Variants in TBC1D5 observed in about 807,000 individuals in gnomAD.
TBC1D5 encodes the protein TBC1 domain family, member 5.
In TBC1D5, 75 loss-of-function variants were observed where a neutral mutation model predicts 100.3. The observed-to-expected ratio is 0.75, with a 90% CI of 0.62 to 0.91. TBC1D5 has a LOEUF of 0.91. Among genes scored for constraint, TBC1D5 ranks in the 40% least tolerant of loss-of-function variants. The pLI is 0.00. For synonymous variants in TBC1D5, 323 were observed against 325.6 expected, an observed-to-expected ratio of 0.99 and a Z score of 0.09; for missense variants, 910 against 942.4, an observed-to-expected ratio of 0.97 and a Z score of 0.45.
chr3:17,696,578 C>T (rs2072129451), intron 1 of TBC1D5, among the ~76,000 whole-genome samples: 1 of 152,142 alleles, frequency 6.6e-6, no homozygotes, highest in Non-Finnish European at 1.5e-5. Flanking sequence ...CTGAATAGAA[C>T]AATCACAGGC....
intron 3 of TBC1D5, among the ~76,000 whole-genome samples, chr3:17,477,601 A>G (rs1455128612): frequency 6.6e-6 from 1 of 152,016 alleles, no homozygotes; most frequent in Admixed American, 6.5e-5. Flanking sequence ...AAGTCATTGT[A>G]TGTCCGTTAT....
intron 1 of TBC1D5, chr3:17,705,945 G>C: frequency 8.0e-7 from 1 of 1,244,372 alleles, no homozygotes; most frequent in African/African-American, 1.5e-5. Flanking sequence ...TCCTCCAGCC[G>C]CTGCCTCCCG....
At chr3:17,360,729 G>A (rs1163749892) in intron 13 of TBC1D5, among the ~76,000 whole-genome samples, 1 of 151,904 alleles carries the variant, frequency 6.6e-6, no homozygotes, top group East Asian at 1.9e-4. Flanking sequence ...CTTAGTTGCA[G>A]AGTTAAAATT....
intron 4 of TBC1D5, among the ~76,000 whole-genome samples, chr3:17,416,696 G>A (rs1001222461): frequency 8.6e-5 from 13 of 151,882 alleles, no homozygotes; most frequent in African/African-American, 1.2e-4. Context: ...TTTCTTTCCC[G>A]TGTCTATCTC....
At chr3:17,422,145 G>C (rs1490712129) in intron 4 of TBC1D5, among the ~76,000 whole-genome samples, 2 of 151,908 alleles carry the variant, frequency 1.3e-5, no homozygotes, top group African/African-American at 2.4e-5. Context: ...CCAATATTCT[G>C]TTTTTGTTTT....
chr3:17,564,965 G>T (rs549511831), intron 2 of TBC1D5, among the ~76,000 whole-genome samples: 1 of 151,784 alleles, frequency 6.6e-6, no homozygotes, highest in African/African-American at 2.4e-5. Context: ...AGAAAAAAAT[G>T]AAAGTTGAGA....
rs931810917 is a variant in TBC1D5 at position 17,343,504 on chromosome 3, C to T, written c.995+28571G>A. ...CATAAAATAAGTTAGGGAGGATTCC[C>T]TCATTTTCTATTGATTGGAATAGTT... On this transcript the variant is annotated intron_variant, in intron 13 of 21. Coordinates refer to ENST00000253692, the Ensembl canonical transcript of TBC1D5. Among the ~76,000 whole-genome samples, 7 of 138,252 alleles carry T rather than the reference C, an allele frequency of 5.1e-5. No homozygotes were observed. In the East Asian group the frequency reaches 1.3e-3, roughly 27 times the overall value. 90.7% of individuals were successfully genotyped at this position (138,252 alleles called of 152,430 possible). A position where few individuals can be genotyped will look rare whatever the true frequency, so the allele number is the denominator to read the frequency against.
rs150447023 is a variant in TBC1D5, at chr3:17,441,028, G to C, written c.98-12509C>G. Among the ~76,000 whole-genome samples the C allele has an allele frequency of 3.4e-3, 510 of 152,206 alleles. 4 individuals carry two copies. The highest frequency in any genetic ancestry group is 5.9e-3 in the Non-Finnish European group (399 of 68,014). On this transcript the variant is annotated intron_variant, in intron 3 of 21. Transcript: ENST00000253692. Reference sequence around the variant, plus strand: ...TAGGAAAAAGGAGAGTGGATGAAGGGAGACTGGATAAGAAGCTGTGTGGTA... The same window carrying C: ...TAGGAAAAAGGAGAGTGGATGAAGGCAGACTGGATAAGAAGCTGTGTGGTA...
chr3:17,291,941 T>A (rs139338298), exon 15 of TBC1D5: 4 of 1,613,932 alleles, frequency 2.5e-6, no homozygotes, highest in Non-Finnish European at 3.4e-6. Flanking sequence ...TGAGTGTACA[T>A]CCCCGATGAA....
intron 1 of TBC1D5, among the ~76,000 whole-genome samples, chr3:17,689,531 A>G (rs190427642): frequency 1.1e-3 from 174 of 151,892 alleles, no homozygotes; most frequent in Non-Finnish European, 2.0e-3. Context: ...AAAAAAAAAA[A>G]AAAAAGAAAA....
At chr3:17,255,015 G>A (rs1197030338) in intron 16 of TBC1D5, among the ~76,000 whole-genome samples, 2 of 152,156 alleles carry the variant, frequency 1.3e-5, no homozygotes, top group East Asian at 3.9e-4. Context: ...ATATTAGTAA[G>A]TAGCAAGGGA....
At chr3:17,371,956 G>T in intron 13 of TBC1D5, 119 bp downstream of exon 13, 2 of 917,736 alleles carry the variant, frequency 2.2e-6, no homozygotes, top group Non-Finnish European at 3.0e-6. Flanking sequence ...AGGATCGCTT[G>T]AGCCCAGGGG....
chr3:17,391,385 T>C (rs578130364), intron 8 of TBC1D5, among the ~76,000 whole-genome samples: 3 of 152,156 alleles, frequency 2.0e-5, no homozygotes, highest in South Asian at 2.1e-4. Context: ...ACCACGTGAC[T>C]GCAATCTCAT....
rs2069466302 is a variant in TBC1D5 at position 17,681,493 on chromosome 3, T to A, written c.-100-57580A>T. ...TTCAAAAGAAAACTATAGAAAAAAA[T>A]TAACTTACTCTCATCTAGAGATTTC... On this transcript the variant is annotated intron_variant, in intron 1 of 21. Transcript: ENST00000253692. Among the ~76,000 whole-genome samples the A allele has an allele frequency of 2.0e-5, 3 of 151,344 alleles. No individual in the cohort carries two copies. The South Asian group carries it at 6.2e-4, about 31-fold the overall frequency.
chr3:17,534,424 A>G (rs2096263852), intron 2 of TBC1D5, among the ~76,000 whole-genome samples: 1 of 152,168 alleles, frequency 6.6e-6, no homozygotes, highest in Non-Finnish European at 1.5e-5. Context: ...TTAAATTAGA[A>G]AAGAAAATCT....
At chr3:17,617,159 T>C (rs1207081666) in intron 2 of TBC1D5, among the ~76,000 whole-genome samples, 4 of 152,306 alleles carry the variant, frequency 2.6e-5, no homozygotes, top group East Asian at 3.9e-4. Flanking sequence ...CTTAGTTTGG[T>C]TGGATATGAA....
chr3:17,686,796 G>A (rs1465095065), intron 1 of TBC1D5, among the ~76,000 whole-genome samples: 1 of 152,112 alleles, frequency 6.6e-6, no homozygotes, highest in African/African-American at 2.4e-5. Flanking sequence ...GGCATTTTGT[G>A]TGTCACAACT....
At chr3:17,334,080 T>A (rs2087291256) in intron 13 of TBC1D5, among the ~76,000 whole-genome samples, 1 of 151,920 alleles carries the variant, frequency 6.6e-6, no homozygotes, top group African/African-American at 2.4e-5. Context: ...GGGTTGGAGA[T>A]AAGACTGAAA....
intron 1 of TBC1D5, chr3:17,663,072 T>G (rs907108493): frequency 6.6e-6 from 1 of 152,150 alleles, no homozygotes; most frequent in African/African-American, 2.4e-5. Context: ...TGTGCTTTCC[T>G]TTACATTCAT....
Sources: gnomAD v4.1 joint callset for allele counts (sites outside exome capture counted in the v4.1 genomes callset) on GRCh38, gnomAD v4.1.1 for gene constraint, MANE v1.5 for transcripts, NCBI Gene and HGNC (gene_info 2026-07-23, HGNC 2026-07-21) for gene names.